NTRK2: variants seen among roughly 807,000 people sequenced by gnomAD.
The protein encoded by NTRK2 is BDNF/NT-3 growth factors receptor.
A neutral mutation model predicts 94.5 loss-of-function variants in NTRK2; 13 were observed. The observed-to-expected ratio is 0.14, with a 90% CI of 0.09 to 0.22. The LOEUF (loss-of-function observed/expected upper bound fraction) is 0.22, where lower values mean the gene tolerates loss of function less well. Ranked by LOEUF, NTRK2 falls within the 10% of genes least tolerant of loss-of-function variation. The pLI is 1.00. For synonymous variants in NTRK2, 372 were observed against 407.4 expected (o/e 0.91, Z 1.05); for missense variants, 639 against 1,071.2 (o/e 0.60, Z 5.63).
At chr9:84,883,326 GT>G (rs548323716) in intron 14 of NTRK2, among the ~76,000 whole-genome samples, 1 of 152,152 alleles carries the variant, frequency 6.6e-6, no homozygotes, top group East Asian at 1.9e-4. Flanking sequence ...TTGCTGGTAA[GT>G]TTTTTTCCTA....
chr9:84,870,685 A>C (rs2132103537), intron 14 of NTRK2, among the ~76,000 whole-genome samples: 1 of 152,088 alleles, frequency 6.6e-6, no homozygotes, highest in South Asian at 2.1e-4. Context: ...CCTCCAAAGA[A>C]GGGCTCTTTC....
intron 12 of NTRK2, among the ~76,000 whole-genome samples, chr9:84,852,925 T>C (rs780900275): frequency 7.2e-5 from 11 of 152,188 alleles, no homozygotes; most frequent in Non-Finnish European, 1.2e-4. Flanking sequence ...AATTTTCAAA[T>C]TAAAGCAATA....
intron 12 of NTRK2, among the ~76,000 whole-genome samples, chr9:84,772,154 G>A (rs548387670): frequency 9.8e-5 from 15 of 152,306 alleles, no homozygotes; most frequent in African/African-American, 2.9e-4. Flanking sequence ...CAAATATTTG[G>A]TGTTCCATAA....
At chr9:84,787,522 C>T (rs569186146) in intron 12 of NTRK2, among the ~76,000 whole-genome samples, 3 of 152,052 alleles carry the variant, frequency 2.0e-5, no homozygotes, top group East Asian at 1.9e-4. Flanking sequence ...CAGGTCATGG[C>T]GAAATGCTGC....
chr9:84,761,687 T>C (rs1033437714), intron 12 of NTRK2, among the ~76,000 whole-genome samples: 10 of 152,340 alleles, frequency 6.6e-5, no homozygotes, highest in Admixed American at 5.9e-4. Flanking sequence ...TGTTGACATA[T>C]GAAATACTGC....
At position 84,968,222 on chromosome 9, in the gene NTRK2, C is replaced by G. The variant is rs572129165; in HGVS notation, c.2172+12705C>G. ...TGGCATCTGAGCTCCTGTTCTCAAA[C>G]AAAAACTCCATGCTCTTCCCACTCT... On this transcript the variant is annotated intron_variant, in intron 17 of 18. Transcript: ENST00000277120. 1.1e-4 allele frequency among the ~76,000 whole-genome samples: 16 copies of G among 152,306 alleles called. No individual in the cohort carries two copies. The South Asian group carries it at 3.3e-3, about 32-fold the overall frequency.
At chr9:84,785,665 C>G (rs1350736315) in intron 12 of NTRK2, among the ~76,000 whole-genome samples, 5 of 152,110 alleles carry the variant, frequency 3.3e-5, no homozygotes, top group Non-Finnish European at 7.4e-5. Context: ...TAGAATCTTC[C>G]AGTTTGAGAA....
chr9:84,713,884 G>A (rs1164385553), intron 6 of NTRK2, among the ~76,000 whole-genome samples: 2 of 146,576 alleles, frequency 1.4e-5, no homozygotes, highest in Non-Finnish European at 3.0e-5. Context: ...AACTAGATGT[G>A]GGTTTTTTTT....
chr9:85,026,954 A>C lies in NTRK2; in HGVS notation c.*5517A>C, dbSNP rs755488361. The C allele has an allele frequency of 4.3e-6, 1 of 232,572 alleles. No individual in the cohort carries two copies. Among genetic ancestry groups the C allele is most frequent in the African/African-American group, 2.2e-5 (1 of 45,312 alleles). The allele number at this position is 232,572 out of a possible 1,614,324, so 14.4% of individuals were successfully genotyped here. A position where few individuals can be genotyped will look rare whatever the true frequency, so the allele number is the denominator to read the frequency against. On this transcript the variant is annotated 3_prime_UTR_variant, in exon 19 of 19. Transcript: ENST00000277120. ...TTAAAAAAAAAAAAGTTTTGTTTGT[A>C]AATCATGTGACCAGCTTCTCTCAAC...
intron 17 of NTRK2, among the ~76,000 whole-genome samples, chr9:84,958,536 G>A (rs1824462249): frequency 1.3e-5 from 2 of 152,164 alleles, no homozygotes; most frequent in African/African-American, 4.8e-5. Flanking sequence ...TAAGAAATGT[G>A]CTCCAGATGC....
chr9:84,960,511 T>C (rs6559839), intron 17 of NTRK2, among the ~76,000 whole-genome samples: 52,016 of 152,056 alleles, frequency 0.34, 9,534 homozygotes, highest in East Asian at 0.5. Flanking sequence ...GTGAATATTT[T>C]GAGATAGGTA....
intron 6 of NTRK2, among the ~76,000 whole-genome samples, chr9:84,720,975 C>T (rs573718953): frequency 6.6e-6 from 1 of 152,276 alleles, no homozygotes; most frequent in East Asian, 1.9e-4. Flanking sequence ...CTATAAGGTC[C>T]AACCTCCAAA....
At chr9:84,707,968 T>A in intron 5 of NTRK2, 56 bp downstream of exon 5, 1 of 1,411,544 alleles carries the variant, frequency 7.1e-7, no homozygotes, top group Non-Finnish European at 1.0e-6. Flanking sequence ...AAGGGGTAAT[T>A]AAGTATTTTT....
chr9:84,812,618 A>C (rs1209375080), intron 12 of NTRK2: 41 of 1,046,918 alleles, frequency 3.9e-5, no homozygotes, highest in Non-Finnish European at 4.7e-5. Context: ...GCTGTGAGCC[A>C]GGCAGGAGCT....
chr9:84,860,415 A>ACAGCAAGT, intron 12 of NTRK2, among the ~76,000 whole-genome samples: 1 of 152,270 alleles, frequency 6.6e-6, no homozygotes, highest in Admixed American at 6.5e-5. Flanking sequence ...CCAGTGTCAC[A>ACAGCAAGT]CAGCAAGTCA....
chr9:84,812,816 G>A (rs200682271), intron 12 of NTRK2: 1 of 1,038,876 alleles, frequency 9.6e-7, no homozygotes, highest in Non-Finnish European at 1.2e-6. Flanking sequence ...GGATTGCAAG[G>A]TAGATTTTTG....
intron 14 of NTRK2, among the ~76,000 whole-genome samples, chr9:84,923,188 C>T (rs1941259577): frequency 6.6e-6 from 1 of 152,096 alleles, no homozygotes; most frequent in African/African-American, 2.4e-5. Flanking sequence ...AAAAAATGCC[C>T]ACCAGCCTCT....
chr9:84,984,060 C>T (rs1172872048), intron 17 of NTRK2, among the ~76,000 whole-genome samples: 1 of 152,128 alleles, frequency 6.6e-6, no homozygotes, highest in Non-Finnish European at 1.5e-5. Flanking sequence ...ACAAAATTAC[C>T]TATCTTGGGG....
intron 14 of NTRK2, among the ~76,000 whole-genome samples, chr9:84,889,779 T>C (rs746004538): frequency 6.6e-6 from 1 of 152,222 alleles, no homozygotes; most frequent in Non-Finnish European, 1.5e-5. Flanking sequence ...GTATAACTTA[T>C]TCAGTCTTCA....
Sources: allele counts gnomAD v4.1 joint callset (sites outside exome capture counted in the v4.1 genomes callset), GRCh38; gene constraint gnomAD v4.1.1; transcripts MANE v1.5; gene names NCBI Gene and HGNC (gene_info 2026-07-23, HGNC 2026-07-21).